Variants in CRYBG2 observed in about 807,000 individuals in gnomAD.
CRYBG2 encodes crystallin beta-gamma domain containing 2.
Under a neutral mutation model 153.4 loss-of-function variants are expected in CRYBG2, and 106 were observed. The ratio of observed to expected loss-of-function variants is 0.69; its 90% CI spans 0.59 to 0.81. The LOEUF is 0.81. Among genes scored for constraint, CRYBG2 ranks in the 30% least tolerant of loss-of-function variants. The pLI is 0.00. For missense variants in CRYBG2, 1,996 were observed against 2,112.0 expected, an observed-to-expected ratio of 0.95 and a Z score of 1.08; for synonymous variants, 851 against 877.8, an observed-to-expected ratio of 0.97 and a Z score of 0.54.
At chr1:26,333,048 A>AAAAAAAAAAT (rs2074016788) in intron 14 of CRYBG2, among the ~76,000 whole-genome samples, 11 of 128,352 alleles carry the variant, frequency 8.6e-5, no homozygotes, top group African/African-American at 1.2e-4. Flanking sequence ...AAAAAAAAAG[A>AAAAAAAAAAT]TTTCTAACAG....
chr1:26,338,530 C>G, intron 6 of CRYBG2, 53 bp from the exon 7 acceptor site: 1 of 1,513,528 alleles, frequency 6.6e-7, no homozygotes, highest in Non-Finnish European at 8.8e-7. Flanking sequence ...TCAAGGGACA[C>G]AGATTGGTGG....
At position 26,349,416 on chromosome 1, in the gene CRYBG2, G is replaced by C. The variant is rs527608584; in HGVS notation, c.-55-2704C>G. On this transcript the variant is annotated intron_variant, in intron 1 of 19. Transcript: ENST00000308182. ...CCAGGCATCCTCCCTCCTACCCCCA[G>C]GCCACAGCTCTGGGGCATGTCCAGC... is the stretch of plus-strand genomic sequence containing the variant. Among the ~76,000 whole-genome samples, 15 of 152,128 alleles carry C rather than the reference G, an allele frequency of 9.9e-5. No individual in the cohort carries two copies. In the South Asian group the frequency reaches 3.1e-3, roughly 32 times the overall value.
rs2074065439 is a variant in CRYBG2 at position 26,336,835 on chromosome 1, A to T, written c.3911+6T>A. Reference sequence around the variant, plus strand: ...CCGCCCCGCTCCCGGAGCCCGGGTCACTTACACGCCGCTGAGCACGTGGAT... The same window carrying T: ...CCGCCCCGCTCCCGGAGCCCGGGTCTCTTACACGCCGCTGAGCACGTGGAT... On this transcript the variant is annotated splice_donor_region_variant and intron_variant, in intron 11 of 19. Transcript: ENST00000308182. This position sits in a 1 kb window ranked among gnomAD's most constrained non-coding sequence, Gnocchi z 4.9. 1 of 1,585,410 alleles carries T rather than the reference A, an allele frequency of 6.3e-7. No homozygotes were observed. The highest frequency in any genetic ancestry group is 8.6e-7 in the Non-Finnish European group (1 of 1,167,388).
chr1:26,346,397 G>A lies in CRYBG2; in HGVS notation c.261C>T (p.Ser87=), dbSNP rs2074221459. ...TGGGTCCATGGCTCTGGAAGTTCTT[G>A]GAGCCAGCTGTATCCCGAGGGCCCT... ...NCQGPRDTAG[S]KNFQSHGPIF... The change falls in exon 2 of 20, where the codon TCC becomes TCT. Residue 87 remains serine, a synonymous_variant. Coordinates refer to ENST00000308182, the MANE Select transcript of CRYBG2 (RefSeq NM_001039775.4). This position sits in a 1 kb window ranked among gnomAD's most constrained non-coding sequence, Gnocchi z 4.9. 1 of 1,599,776 alleles carries A rather than the reference G, an allele frequency of 6.3e-7. No homozygotes were observed. Among genetic ancestry groups the A allele is most frequent in the Non-Finnish European group, 8.5e-7 (1 of 1,179,668 alleles).
rs528227217 is a variant in CRYBG2 at position 26,339,557 on chromosome 1, A to T, written c.3205-128T>A. On this transcript the variant is annotated intron_variant, in intron 5 of 19. Coordinates refer to ENST00000308182, the MANE Select transcript of CRYBG2 (RefSeq NM_001039775.4). ...GAGGTCAGCAGTTCGAGACCAGCTG[A>T]CCAACATGGAGAAACCCAGTCTCTA... is the stretch of plus-strand genomic sequence containing the variant. 14 of 950,790 alleles carry T rather than the reference A, an allele frequency of 1.5e-5. No individual in the cohort carries two copies. The South Asian group carries it at 2.2e-4, about 15-fold the overall frequency. 58.9% of individuals were successfully genotyped at this position (950,790 alleles called of 1,614,324 possible).
Position 26,336,615 on chromosome 1 carries a change from C to G in CRYBG2, c.4029G>C (p.Pro1343=), listed in dbSNP as rs2124703248. Residue 1343 remains proline, a synonymous_variant, in exon 12 of 20, where the codon CCG becomes CCC. Transcript: ENST00000308182. The surrounding 1 kb of genome is among the most constrained non-coding windows in gnomAD (Gnocchi z 4.9). ...CGCGGCCGGCACGCACCTGTAGGACCGGCTGCAGCGAGGCGAGGGTGCTGT... is the reference window on the plus strand; with the variant it reads ...CGCGGCCGGCACGCACCTGTAGGACGGGCTGCAGCGAGGCGAGGGTGCTGT... ...AGNSTLASLQ[P]VLQVGEHDLH... The G allele has an allele frequency of 6.5e-7, 1 of 1,549,962 alleles. No individual in the cohort carries two copies. The highest frequency in any genetic ancestry group is 8.7e-7 in the Non-Finnish European group (1 of 1,146,672).
Position 26,336,603 on chromosome 1 carries a change from C to G in CRYBG2, c.4038+3G>C, listed in dbSNP as rs1263809861. The G allele has an allele frequency of 1.4e-5, 21 of 1,549,172 alleles. No homozygotes were observed. The Middle Eastern group carries it at 1.2e-3, about 86-fold the overall frequency. ...GGCCCCGCCCCCCGCGGCCGGCACG[C>G]ACCTGTAGGACCGGCTGCAGCGAGG... is the stretch of plus-strand genomic sequence containing the variant. On this transcript the variant is annotated splice_donor_region_variant and intron_variant, in intron 12 of 19. Coordinates refer to ENST00000308182, the MANE Select transcript of CRYBG2 (RefSeq NM_001039775.4). The surrounding 1 kb of genome is among the most constrained non-coding windows in gnomAD (Gnocchi z 4.9).
At chr1:26,330,448 G>A (rs2073985758) in intron 15 of CRYBG2, among the ~76,000 whole-genome samples, 1 of 150,932 alleles carries the variant, frequency 6.6e-6, no homozygotes, top group Non-Finnish European at 1.5e-5. Flanking sequence ...CTGTGGCTTA[G>A]TTTCCACATC....
In CRYBG2 at chr1:26,324,262, C is replaced by T; in HGVS notation, c.4627G>A (p.Ala1543Thr). Residue 1543 changes from alanine (A) to threonine (T), a missense_variant, in exon 18 of 20, where the codon GCA becomes ACA. Coordinates refer to ENST00000308182, the MANE Select transcript of CRYBG2 (RefSeq NM_001039775.4). ...LWNAALGGFL[A>T]VPDHVEDMKA... ...ATGTCCTCCACATGGTCCGGCACTG[C>T]CAGGAATCCCCCCAGTGCTGCATTC... is the stretch of plus-strand genomic sequence containing the variant. 2 of 1,611,790 alleles carry T rather than the reference C, an allele frequency of 1.2e-6. No homozygotes were observed. The highest frequency in any genetic ancestry group is 8.5e-7 in the Non-Finnish European group (1 of 1,179,906).
rs752708262 is a variant in CRYBG2, at chr1:26,344,521, C to A, written c.2137G>T (p.Asp713Tyr). 1.9e-6 allele frequency: 3 copies of A among 1,545,470 alleles called. No homozygotes were observed. The South Asian group carries it at 3.6e-5, about 18-fold the overall frequency. ...DALPAPSSSV[D>Y]RVSPSPGGTP... ...CCTCCTGGGCTGGGGGACACCCTGTCCACTGAGGAAGATGGGGCAGGGAGA... is the reference window on the plus strand; with the variant it reads ...CCTCCTGGGCTGGGGGACACCCTGTACACTGAGGAAGATGGGGCAGGGAGA... The change falls in exon 2 of 20, where the codon GAC becomes TAC. Residue 713 changes from aspartate (D) to tyrosine (Y), a missense_variant. Transcript: ENST00000308182.
In CRYBG2 at chr1:26,336,238, G is replaced by A; in HGVS notation, c.4072-31C>T. ...GGCAGAGAGGGGAGATGAGGGGAAG[G>A]AGGACGATGGAGTGGGGCCGAGAAC... On this transcript the variant is annotated intron_variant, in intron 13 of 19. Transcript: ENST00000308182. This position sits in a 1 kb window ranked among gnomAD's most constrained non-coding sequence, Gnocchi z 4.9. The A allele has an allele frequency of 6.3e-7, 1 of 1,575,582 alleles. No individual in the cohort carries two copies. The highest frequency in any genetic ancestry group is 8.6e-7 in the Non-Finnish European group (1 of 1,158,566).
chr1:26,348,808 G>A (rs1232033612), intron 1 of CRYBG2, among the ~76,000 whole-genome samples: 1 of 151,474 alleles, frequency 6.6e-6, no homozygotes, highest in African/African-American at 2.4e-5. Context: ...CACCCGCCTT[G>A]GCCTCCCAAA....
rs918226274 is a variant in CRYBG2, at chr1:26,343,099, C to G, written c.3022G>C (p.Val1008Leu). The change falls in exon 4 of 20, where the codon GTT becomes CTT. Residue 1008 changes from valine (V) to leucine (L), a missense_variant. By Grantham distance (32) the Val-to-Leu change is conservative (BLOSUM62 1). Coordinates refer to ENST00000308182, the MANE Select transcript of CRYBG2 (RefSeq NM_001039775.4). This position sits in a 1 kb window ranked among gnomAD's most constrained non-coding sequence, Gnocchi z 4.1. ...ACGGGGGCCCAGCCTGAGGCATCAA[C>G]GATGTCTCCCCAGACCTCCCTGCCA... ...GSGREVWGDIVDASGWAPVAS... is the reference protein window; with the variant it reads ...GSGREVWGDILDASGWAPVAS... 6.4e-7 allele frequency: 1 copy of G among 1,550,434 alleles called. No individual in the cohort carries two copies. Among genetic ancestry groups the G allele is most frequent in the Non-Finnish European group, 8.7e-7 (1 of 1,146,970 alleles).
chr1:26,351,910 C>A (rs1449423956), intron 1 of CRYBG2, among the ~76,000 whole-genome samples: 1 of 152,138 alleles, frequency 6.6e-6, no homozygotes, highest in South Asian at 2.1e-4. Context: ...ACCCAGGATG[C>A]CTCTCCTGGG....
At chr1:26,324,357 A>G in intron 17 of CRYBG2, 47 bp from the exon 18 acceptor site, 1 of 1,544,560 alleles carries the variant, frequency 6.5e-7, no homozygotes, top group Non-Finnish European at 8.7e-7. Context: ...GGGAGGGATG[A>G]CCTGGGCCCC....
chr1:26,336,846 G>C lies in CRYBG2; in HGVS notation c.3906C>G (p.Ser1302Arg). 6.3e-7 allele frequency: 1 copy of C among 1,593,722 alleles called. No individual in the cohort carries two copies. Among genetic ancestry groups the C allele is most frequent in the South Asian group, 1.1e-5 (1 of 88,144 alleles). Residue 1302 changes from serine (S) to arginine (R), a missense_variant, in exon 11 of 20, where the codon AGC (serine) becomes AGG (arginine). Physicochemically the swap from Ser to Arg is moderately radical, Grantham distance 110. Coordinates refer to ENST00000308182, the MANE Select transcript of CRYBG2 (RefSeq NM_001039775.4). This position sits in a 1 kb window ranked among gnomAD's most constrained non-coding sequence, Gnocchi z 4.9. The stretch of plus-strand genomic sequence containing the variant: ...CCGGAGCCCGGGTCACTTACACGCC[G>C]CTGAGCACGTGGATGGCCTGTGTGC... ...GPSTQAIHVL[S>R]GVWVAYQEVG...
At position 26,321,924 on chromosome 1, in the gene CRYBG2, A is replaced by G. The variant is rs1293622190; in HGVS notation, c.*44T>C. Reference sequence around the variant, plus strand: ...CAACAAAAACCCTATAAAAACATTCATCCCAGCAAAAGCCTCCAGGGCTGG... The same window carrying G: ...CAACAAAAACCCTATAAAAACATTCGTCCCAGCAAAAGCCTCCAGGGCTGG... On this transcript the variant is annotated 3_prime_UTR_variant, in exon 20 of 20. Transcript: ENST00000308182. The G allele has an allele frequency of 2.1e-6, 3 of 1,453,710 alleles. No individual in the cohort carries two copies. The highest frequency in any genetic ancestry group is 2.5e-5 in the East Asian group (1 of 39,986). The allele number at this position is 1,453,710 out of a possible 1,614,324, so 90.1% of individuals were successfully genotyped here. A position where few individuals can be genotyped will look rare whatever the true frequency, so the allele number is the denominator to read the frequency against.
intron 15 of CRYBG2, among the ~76,000 whole-genome samples, chr1:26,330,225 CTA>C (rs1335887916): frequency 6.6e-6 from 1 of 152,178 alleles, no homozygotes; most frequent in Non-Finnish European, 1.5e-5. Flanking sequence ...TTCAACAACC[CTA>C]TAAGGTAGAA....
chr1:26,323,060 A>G (rs1013349294), intron 18 of CRYBG2, among the ~76,000 whole-genome samples: 6 of 146,814 alleles, frequency 4.1e-5, no homozygotes, highest in South Asian at 2.1e-4. Flanking sequence ...AGGCTCCCCT[A>G]CCATACCTGA....
Sources: allele counts gnomAD v4.1 joint callset (sites outside exome capture counted in the v4.1 genomes callset), GRCh38; gene constraint gnomAD v4.1.1; non-coding constraint Gnocchi (gnomAD v3.1); transcripts MANE v1.5; gene names NCBI Gene and HGNC (gene_info 2026-07-23, HGNC 2026-07-21).